The following CACHD1 variants were observed in gnomAD, a reference collection of about 807,000 sequenced individuals.
The protein encoded by CACHD1 is VWFA and cache domain-containing protein 1.
CACHD1 carries 71 observed loss-of-function variants against 138.7 expected under a neutral mutation model. The observed-to-expected ratio is 0.51, with a 90% CI of 0.42 to 0.62. The LOEUF (loss-of-function observed/expected upper bound fraction) is 0.62. Among genes scored for constraint, CACHD1 ranks in the 20% least tolerant of loss-of-function variants. The probability of loss-of-function intolerance (pLI) is 0.00; values close to 1 mark genes in which losing one functional copy is unlikely to be tolerated. For synonymous variants in CACHD1, 578 were observed against 591.5 expected (o/e 0.98, Z 0.33); for missense variants, 1,389 against 1,625.3 (o/e 0.85, Z 2.50).
chr1:64,600,804 GA>G (rs1647204698), intron 3 of CACHD1, among the ~76,000 whole-genome samples: 1 of 152,214 alleles, frequency 6.6e-6, no homozygotes, highest in African/African-American at 2.4e-5. Flanking sequence ...AGGCCTTTCT[GA>G]AGAAGGGAAA....
intron 3 of CACHD1, among the ~76,000 whole-genome samples, chr1:64,587,204 A>G (rs559126695): frequency 1.6e-4 from 25 of 152,342 alleles, no homozygotes; most frequent in African/African-American, 5.5e-4. Context: ...TATACTAAAG[A>G]TTAGTTAGAA....
At chr1:64,571,068 A>C (rs543985368) in intron 2 of CACHD1, among the ~76,000 whole-genome samples, 5 of 152,158 alleles carry the variant, frequency 3.3e-5, no homozygotes, top group Non-Finnish European at 5.9e-5. Flanking sequence ...ATTGAGTGAT[A>C]TTAGCGCATT....
intron 1 of CACHD1, among the ~76,000 whole-genome samples, chr1:64,540,651 C>G (rs918935035): frequency 6.6e-6 from 1 of 152,158 alleles, no homozygotes; most frequent in African/African-American, 2.4e-5. Context: ...TTTACTCACC[C>G]GCTCTCCTGG....
chr1:64,482,080 G>T (rs1335547218), intron 1 of CACHD1, among the ~76,000 whole-genome samples: 3 of 152,050 alleles, frequency 2.0e-5, no homozygotes, highest in Non-Finnish European at 4.4e-5. Context: ...ATGGTTTCAG[G>T]ATATTTTCAT....
intron 2 of CACHD1, among the ~76,000 whole-genome samples, chr1:64,562,982 T>A (rs1379551602): frequency 6.6e-6 from 1 of 152,222 alleles, no homozygotes; most frequent in Admixed American, 6.5e-5. Flanking sequence ...TCTGTTATAT[T>A]CTTGTGAGGA....
chr1:64,673,127 T>A, intron 17 of CACHD1, 31 bp from the exon 18 acceptor site: 1 of 1,527,712 alleles, frequency 6.5e-7, no homozygotes. Flanking sequence ...ACAGCTGATA[T>A]GAATGAGGGG....
At chr1:64,543,776 T>C (rs1450707443) in intron 1 of CACHD1, among the ~76,000 whole-genome samples, 1 of 151,894 alleles carries the variant, frequency 6.6e-6, no homozygotes, top group African/African-American at 2.4e-5. Flanking sequence ...AAAAGATTAT[T>C]CATGGGGTAT....
At chr1:64,666,706 G>A (rs998419995) in intron 16 of CACHD1, among the ~76,000 whole-genome samples, 2 of 151,802 alleles carry the variant, frequency 1.3e-5, no homozygotes, top group Non-Finnish European at 2.9e-5. Flanking sequence ...GCGAGACCCT[G>A]GCTCTACAAA....
At chr1:64,648,408 A>C (rs1324621957) in intron 9 of CACHD1, among the ~76,000 whole-genome samples, 1 of 152,156 alleles carries the variant, frequency 6.6e-6, no homozygotes, top group African/African-American at 2.4e-5. Flanking sequence ...TGGGCTTTCA[A>C]ATTCCATTCT....
chr1:64,553,646 C>A (rs1193052294), intron 2 of CACHD1, among the ~76,000 whole-genome samples: 1 of 152,068 alleles, frequency 6.6e-6, no homozygotes, highest in Admixed American at 6.5e-5. Context: ...AACTTACTAC[C>A]CAGCTAAAGA....
At chr1:64,477,584 GATTATTATTATTATTATT>G (rs10701038) in intron 1 of CACHD1, among the ~76,000 whole-genome samples, 10 of 136,136 alleles carry the variant, frequency 7.3e-5, no homozygotes, top group Middle Eastern at 3.8e-3. Context: ...CTTCCCCCCA[GATTATTATTATTATTATT>G]ATTATTATTA....
chr1:64,553,107 G>T (rs984773078), intron 2 of CACHD1, among the ~76,000 whole-genome samples: 1 of 152,088 alleles, frequency 6.6e-6, no homozygotes, highest in Non-Finnish European at 1.5e-5. Flanking sequence ...GTATAAACAG[G>T]TCTTAAATAA....
intron 2 of CACHD1, among the ~76,000 whole-genome samples, chr1:64,564,655 C>T (rs1646867118): frequency 6.6e-6 from 1 of 152,060 alleles, no homozygotes; most frequent in African/African-American, 2.4e-5. Context: ...TTATTTAATC[C>T]TCTTGGGTAA....
At chr1:64,631,998 A>C (rs933262896) in intron 5 of CACHD1, among the ~76,000 whole-genome samples, 3 of 152,126 alleles carry the variant, frequency 2.0e-5, no homozygotes, top group Non-Finnish European at 4.4e-5. Context: ...CTCACGGGTT[A>C]TAGGCTGCCT....
chr1:64,537,218 G>A (rs867013251), intron 1 of CACHD1, among the ~76,000 whole-genome samples: 1 of 151,980 alleles, frequency 6.6e-6, no homozygotes, highest in African/African-American at 2.4e-5. Flanking sequence ...AAGGTTAGCC[G>A]ATGATTGCGT....
rs375473742 is a variant in CACHD1, at chr1:64,663,910, C to T, written c.2094+73C>T. 72 of 1,587,998 alleles carry T rather than the reference C, an allele frequency of 4.5e-5. No individual in the cohort carries two copies. The East Asian group carries it at 4.7e-4, about 10-fold the overall frequency. On this transcript the variant is annotated intron_variant, in intron 14 of 26. Coordinates refer to ENST00000651257, the MANE Select transcript of CACHD1 (RefSeq NM_020925.4). ...CCAGCAGGGGGTGCTGGCAGTGAAC[C>T]TTTGAAGTAGGAAACCCAGCTCTGC...
At chr1:64,506,001 C>T (rs1480304951) in intron 1 of CACHD1, 3 of 152,578 alleles carry the variant, frequency 2.0e-5, no homozygotes, top group Non-Finnish European at 2.9e-5. Flanking sequence ...CCTCCACATC[C>T]CTTCCACTTC....
At chr1:64,528,167 C>T (rs1646555129) in intron 1 of CACHD1, among the ~76,000 whole-genome samples, 2 of 152,270 alleles carry the variant, frequency 1.3e-5, no homozygotes, top group Middle Eastern at 3.4e-3. Context: ...ATATTATTAT[C>T]TCAACATCCT....
intron 2 of CACHD1, among the ~76,000 whole-genome samples, chr1:64,552,931 A>G (rs2100459406): frequency 6.6e-6 from 1 of 152,342 alleles, no homozygotes; most frequent in African/African-American, 2.4e-5. Context: ...ACTGATTGTC[A>G]AAAAGTTCTT....
Sources: allele counts gnomAD v4.1 joint callset (sites outside exome capture counted in the v4.1 genomes callset), GRCh38; gene constraint gnomAD v4.1.1; transcripts MANE v1.5; gene names NCBI Gene and HGNC (gene_info 2026-07-23, HGNC 2026-07-21).